MAP3K13: variants seen among roughly 807,000 people sequenced by gnomAD.
The protein encoded by MAP3K13 is mitogen-activated protein kinase kinase kinase 13.
Under a neutral mutation model 104.0 loss-of-function variants are expected in MAP3K13, and 52 were observed. The ratio of observed to expected loss-of-function variants is 0.50; its 90% confidence interval spans 0.40 to 0.63. MAP3K13 has a LOEUF of 0.63. Among genes scored for constraint, MAP3K13 ranks in the 20% least tolerant of loss-of-function variants. The pLI, the probability that MAP3K13 is intolerant of heterozygous loss-of-function variation, is 0.00. For synonymous variants in MAP3K13, 394 were observed against 442.2 expected (o/e 0.89, Z 1.37); for missense variants, 914 against 1,218.5 (o/e 0.75, Z 3.72).
chr3:185,321,458 C>T (rs577854235), intron 2 of MAP3K13, among the ~76,000 whole-genome samples: 27 of 152,268 alleles, frequency 1.8e-4, no homozygotes, highest in African/African-American at 6.0e-4. Context: ...AAATGAGACT[C>T]AATAGCAAAA....
chr3:185,289,665 A>G (rs1228252076), intron 2 of MAP3K13, among the ~76,000 whole-genome samples: 3 of 152,184 alleles, frequency 2.0e-5, no homozygotes, highest in Non-Finnish European at 4.4e-5. Context: ...AGAAAAAAAG[A>G]AAAAACCATA....
In MAP3K13 at chr3:185,418,665, G is replaced by A; in HGVS notation, c.-85-9832G>A. 1.2e-6 allele frequency: 2 copies of A among 1,611,688 alleles called. No homozygotes were observed. The highest frequency in any genetic ancestry group is 1.7e-5 in the Admixed American group (1 of 60,022). On this transcript the variant is annotated intron_variant, in intron 1 of 13. Coordinates refer to ENST00000265026, the MANE Select transcript of MAP3K13 (RefSeq NM_004721.5). The surrounding 1 kb of genome is among the most constrained non-coding windows in gnomAD (Gnocchi z 4.5). ...TTTTGCGCAAGTTGGTGTGAACAAAGTTCACAATATCTGGTCGAATAGGAG... is the reference window on the plus strand; with the variant it reads ...TTTTGCGCAAGTTGGTGTGAACAAAATTCACAATATCTGGTCGAATAGGAG...
intron 2 of MAP3K13, among the ~76,000 whole-genome samples, chr3:185,354,656 C>A (rs1030459589): frequency 6.6e-6 from 1 of 151,720 alleles, no homozygotes; most frequent in African/African-American, 2.4e-5. Flanking sequence ...AGGATGGTCC[C>A]ATTCAAGGAA....
chr3:185,418,047 C>T lies in MAP3K13; in HGVS notation c.-85-10450C>T, dbSNP rs1713891346. ...TCCAAATGCAGAAACGTCCCACATG[C>T]CCACCAGGAGCAAGCTTCAAAATGT... On this transcript the variant is annotated intron_variant, in intron 1 of 13. Coordinates refer to ENST00000265026, the MANE Select transcript of MAP3K13 (RefSeq NM_004721.5). This position sits in a 1 kb window ranked among gnomAD's most constrained non-coding sequence, Gnocchi z 4.5. 6.2e-7 allele frequency: 1 copy of T among 1,611,752 alleles called. No individual in the cohort carries two copies. Among genetic ancestry groups the T allele is most frequent in the Non-Finnish European group, 8.5e-7 (1 of 1,179,718 alleles).
At chr3:185,400,901 GTTTGTT>G (rs1397097299) in intron 1 of MAP3K13, among the ~76,000 whole-genome samples, 4 of 58,144 alleles carry the variant, frequency 6.9e-5, no homozygotes, top group African/African-American at 2.8e-4. Context: ...CTGGGTGTTT[GTTTGTT>G]TTTTTTTTTT....
chr3:185,303,798 T>G (rs1287469937), intron 2 of MAP3K13, among the ~76,000 whole-genome samples: 1 of 151,978 alleles, frequency 6.6e-6, no homozygotes, highest in African/African-American at 2.4e-5. Flanking sequence ...CTTTCTATTA[T>G]TTTTCTATCC....
intron 1 of MAP3K13, among the ~76,000 whole-genome samples, chr3:185,378,006 T>G (rs12488632): frequency 0.24 from 35,738 of 150,570 alleles, 4,452 homozygotes; most frequent in Admixed American, 0.29. Flanking sequence ...GCTCCTGGGG[T>G]GGGGGGAGGT....
chr3:185,441,835 A>G (rs2148891618), intron 3 of MAP3K13, among the ~76,000 whole-genome samples: 1 of 152,256 alleles, frequency 6.6e-6, no homozygotes, highest in Admixed American at 6.5e-5. Flanking sequence ...TGAGGTCAGG[A>G]GTTCAAGACC....
rs922618252 is a variant in MAP3K13 at position 185,487,545 on chromosome 3, G to C, written c.*5089G>C. On this transcript the variant is annotated 3_prime_UTR_variant, in exon 14 of 14. Coordinates refer to ENST00000265026, the MANE Select transcript of MAP3K13 (RefSeq NM_004721.5). ...ATAAATGCATCCTTTTTGATCAAAT[G>C]ATTTACTCTTTTTTTCTTCAATGTC... 6.6e-6 allele frequency: 1 copy of C among 152,054 alleles called. No individual in the cohort carries two copies. The highest frequency in any genetic ancestry group is 2.4e-5 in the African/African-American group (1 of 41,472). 9.4% of individuals were successfully genotyped at this position (152,054 alleles called of 1,614,324 possible). A position where few individuals can be genotyped will look rare whatever the true frequency, so the allele number is the denominator to read the frequency against.
intron 7 of MAP3K13, among the ~76,000 whole-genome samples, chr3:185,460,020 G>A (rs769975989): frequency 8.5e-5 from 13 of 152,112 alleles, no homozygotes; most frequent in African/African-American, 1.2e-4. Context: ...CAAGGTTCAC[G>A]TATTTTGTAG....
chr3:185,455,994 A>AGATATATATAT (rs1716717600), intron 7 of MAP3K13, among the ~76,000 whole-genome samples: 2 of 147,418 alleles, frequency 1.4e-5, no homozygotes, highest in Non-Finnish European at 3.0e-5. Flanking sequence ...GATATATATG[A>AGATATATATAT]GATATATATG....
At chr3:185,293,814 A>G (rs972197147) in intron 2 of MAP3K13, among the ~76,000 whole-genome samples, 1 of 152,064 alleles carries the variant, frequency 6.6e-6, no homozygotes, top group African/African-American at 2.4e-5. Context: ...TTTTCACTTT[A>G]TGCTACTACT....
chr3:185,420,502 G>A (rs1714055131), intron 1 of MAP3K13, among the ~76,000 whole-genome samples: 1 of 152,148 alleles, frequency 6.6e-6, no homozygotes, highest in South Asian at 2.1e-4. Flanking sequence ...GTTCTCAACT[G>A]CTATATGAAT....
intron 1 of MAP3K13, among the ~76,000 whole-genome samples, chr3:185,369,229 G>A (rs1724039123): frequency 6.6e-6 from 1 of 152,158 alleles, no homozygotes; most frequent in African/African-American, 2.4e-5. Context: ...AGCGTGCTGG[G>A]AGTGGGGTAA....
At chr3:185,398,388 C>G (rs1428211582) in intron 1 of MAP3K13, among the ~76,000 whole-genome samples, 2 of 152,134 alleles carry the variant, frequency 1.3e-5, no homozygotes, top group African/African-American at 4.8e-5. Flanking sequence ...GGCAGATGAG[C>G]AGCCTCTTAT....
chr3:185,439,510 T>C (rs530141103), intron 3 of MAP3K13, among the ~76,000 whole-genome samples: 1 of 152,064 alleles, frequency 6.6e-6, no homozygotes, highest in African/African-American at 2.4e-5. Flanking sequence ...CCCTCCTAAA[T>C]GGAAGGAAGG....
intron 7 of MAP3K13, among the ~76,000 whole-genome samples, chr3:185,454,639 G>GAT (rs1431478279): frequency 8.9e-5 from 1 of 11,208 alleles, no homozygotes; most frequent in African/African-American, 1.5e-4. Context: ...ATATATATGA[G>GAT]ATATATATAT....
In MAP3K13 at chr3:185,437,732, A is replaced by G. The variant is rs1029185448; in HGVS notation, c.659+102A>G. ...GAGAGATATTTCAAAAGCATTCTCT[A>G]GACTTAGCACTGTGCTAGGTGCTTT... is the stretch of plus-strand genomic sequence containing the variant. On this transcript the variant is annotated intron_variant, in intron 3 of 13. Coordinates refer to ENST00000265026, the MANE Select transcript of MAP3K13 (RefSeq NM_004721.5). 1.7e-5 allele frequency: 20 copies of G among 1,188,820 alleles called. No homozygotes were observed. The African/African-American group carries it at 2.6e-4, about 15-fold the overall frequency. 73.6% of individuals were successfully genotyped at this position (1,188,820 alleles called of 1,614,324 possible).
chr3:185,453,508 C>T, intron 7 of MAP3K13, among the ~76,000 whole-genome samples: 1 of 151,932 alleles, frequency 6.6e-6, no homozygotes, highest in East Asian at 1.9e-4. Context: ...TGAACAAGTC[C>T]TTAAATATGC....
Sources: gnomAD v4.1 joint callset for allele counts (sites outside exome capture counted in the v4.1 genomes callset) on GRCh38, gnomAD v4.1.1 for gene constraint, Gnocchi (gnomAD v3.1) non-coding constraint, MANE v1.5 for transcripts, NCBI Gene and HGNC (gene_info 2026-07-23, HGNC 2026-07-21) for gene names.